Variants in LRRTM4 observed in about 807,000 individuals in gnomAD.
LRRTM4 encodes the protein leucine rich repeat transmembrane neuronal 4.
In LRRTM4, 25 loss-of-function variants were observed where a neutral mutation model predicts 47.6. That is an observed-to-expected ratio of 0.53 (90% CI 0.38 to 0.73). The LOEUF (loss-of-function observed/expected upper bound fraction) is 0.73. LRRTM4 is among the 30% of genes least tolerant of loss of function. The pLI, the probability that LRRTM4 is intolerant of heterozygous loss-of-function variation, is 0.00. For synonymous variants in LRRTM4, 311 were observed against 269.5 expected, an observed-to-expected ratio of 1.15 and a Z score of -1.51; for missense variants, 638 against 713.4, an observed-to-expected ratio of 0.89 and a Z score of 1.20.
chr2:76,887,389 C>A (rs888290970), intron 3 of LRRTM4, among the ~76,000 whole-genome samples: 1 of 151,030 alleles, frequency 6.6e-6, no homozygotes, highest in Non-Finnish European at 1.5e-5. Flanking sequence ...AAGGCCAATA[C>A]CAAAAATAAA....
chr2:76,784,121 T>G (rs1674543118), intron 3 of LRRTM4, among the ~76,000 whole-genome samples: 1 of 152,130 alleles, frequency 6.6e-6, no homozygotes, highest in Admixed American at 6.5e-5. Flanking sequence ...ATATTAATAT[T>G]TATCTGTTTT....
At chr2:77,476,049 C>A (rs1044606453) in intron 3 of LRRTM4, among the ~76,000 whole-genome samples, 3 of 151,786 alleles carry the variant, frequency 2.0e-5, no homozygotes, top group Non-Finnish European at 2.9e-5. Flanking sequence ...TAGTATATTT[C>A]CCTATTGATT....
At chr2:76,834,642 T>A (rs1198235809) in intron 3 of LRRTM4, among the ~76,000 whole-genome samples, 1 of 152,052 alleles carries the variant, frequency 6.6e-6, no homozygotes, top group Non-Finnish European at 1.5e-5. Context: ...TGGCTCAAAC[T>A]CTTATTCAAA....
chr2:76,997,666 A>T (rs13427438), intron 3 of LRRTM4, among the ~76,000 whole-genome samples: 76,504 of 151,862 alleles, frequency 0.5, 19,992 homozygotes, highest in African/African-American at 0.64. Flanking sequence ...AGCTAGAGAA[A>T]ATTGAACTAA....
At chr2:77,088,728 GTCC>G (rs1680816363) in intron 3 of LRRTM4, among the ~76,000 whole-genome samples, 1 of 152,088 alleles carries the variant, frequency 6.6e-6, no homozygotes, top group African/African-American at 2.4e-5. Flanking sequence ...TCAATCCCCC[GTCC>G]TCCTGCTCTT....
chr2:77,520,648 G>C (rs967823786), intron 2 of LRRTM4, among the ~76,000 whole-genome samples: 1 of 152,086 alleles, frequency 6.6e-6, no homozygotes, highest in African/African-American at 2.4e-5. Context: ...ATATTGTGTA[G>C]TATCACTTTG....
At chr2:76,955,745 G>T (rs1675652444) in intron 3 of LRRTM4, among the ~76,000 whole-genome samples, 1 of 151,678 alleles carries the variant, frequency 6.6e-6, no homozygotes, top group African/African-American at 2.4e-5. Flanking sequence ...CTCTCCACTT[G>T]GGGAGGGTAC....
At position 77,421,965 on chromosome 2, in the gene LRRTM4, C is replaced by G. The variant is rs191021080; in HGVS notation, c.1551+96353G>C. Among the ~76,000 whole-genome samples, 3 of 152,302 alleles carry G rather than the reference C, an allele frequency of 2.0e-5. 1 individual carries two copies. In the East Asian group the frequency reaches 5.8e-4, roughly 29 times the overall value. ...CTATGTTTAGGTATGTTTAGATACA[C>G]AAATATTTACCATTTTGTTATAATT... is the stretch of plus-strand genomic sequence containing the variant. On this transcript the variant is annotated intron_variant, in intron 3 of 3. Transcript: ENST00000409884.
Position 77,437,203 on chromosome 2 carries a change from G to C in LRRTM4, c.1551+81115C>G, listed in dbSNP as rs529726647. On this transcript the variant is annotated intron_variant, in intron 3 of 3. Transcript: ENST00000409884. Reference sequence around the variant, plus strand: ...AATTTTTGATTAAGCAAGATGTTTAGTATAAAGGAATCAGAAATATCGTTG... The same window carrying C: ...AATTTTTGATTAAGCAAGATGTTTACTATAAAGGAATCAGAAATATCGTTG... 5.9e-5 allele frequency among the ~76,000 whole-genome samples: 9 copies of C among 152,026 alleles called. 1 individual carries two copies. In the East Asian group the frequency reaches 1.7e-3, roughly 29 times the overall value.
Position 76,993,718 on chromosome 2 carries a change from T to C in LRRTM4, c.1552-244802A>G, listed in dbSNP as rs1381160902. ...TGGAGATTTCTCAAAGAAGTAAAAATAGAACTACTATTCCACCCAGCAGTC... is the reference window on the plus strand; with the variant it reads ...TGGAGATTTCTCAAAGAAGTAAAAACAGAACTACTATTCCACCCAGCAGTC... On this transcript the variant is annotated intron_variant, in intron 3 of 3. Transcript: ENST00000409884. Among the ~76,000 whole-genome samples, 8 of 151,852 alleles carry C rather than the reference T, an allele frequency of 5.3e-5. No individual in the cohort carries two copies. In the South Asian group the frequency reaches 1.0e-3, roughly 20 times the overall value.
chr2:77,418,216 T>C (rs1674724682), intron 3 of LRRTM4, among the ~76,000 whole-genome samples: 1 of 152,166 alleles, frequency 6.6e-6, no homozygotes, highest in African/African-American at 2.4e-5. Context: ...TGTGGAGTTC[T>C]CCAAAGTGAT....
chr2:77,308,315 A>C (rs12614215), intron 3 of LRRTM4, among the ~76,000 whole-genome samples: 33,824 of 151,402 alleles, frequency 0.22, 4,320 homozygotes, highest in East Asian at 0.44. Context: ...AAAGATACTA[A>C]TACCTTTGTT....
At chr2:77,286,872 G>A (rs1676678449) in intron 3 of LRRTM4, among the ~76,000 whole-genome samples, 1 of 152,018 alleles carries the variant, frequency 6.6e-6, no homozygotes, top group Non-Finnish European at 1.5e-5. Context: ...GACTGTCTTA[G>A]ATTTGGTTTA....
At chr2:77,079,920 A>G (rs1031582529) in intron 3 of LRRTM4, among the ~76,000 whole-genome samples, 3 of 152,058 alleles carry the variant, frequency 2.0e-5, no homozygotes, top group Non-Finnish European at 4.4e-5. Context: ...ACATTTTATG[A>G]TAGAAATATA....
At chr2:76,750,106 T>C (rs1672799299) in intron 3 of LRRTM4, among the ~76,000 whole-genome samples, 1 of 152,256 alleles carries the variant, frequency 6.6e-6, no homozygotes, top group Non-Finnish European at 1.5e-5. Context: ...GCTCCCATTG[T>C]TGGTTTCCTG....
intron 3 of LRRTM4, among the ~76,000 whole-genome samples, chr2:77,475,309 G>A (rs779884924): frequency 1.3e-4 from 20 of 152,000 alleles, no homozygotes; most frequent in Non-Finnish European, 2.4e-4. Flanking sequence ...GTTTAGGGGC[G>A]TATTTTTCCT....
intron 3 of LRRTM4, among the ~76,000 whole-genome samples, chr2:77,450,621 C>G (rs1676219865): frequency 1.3e-5 from 2 of 152,010 alleles, no homozygotes; most frequent in Admixed American, 1.3e-4. Context: ...CTCTAGATTT[C>G]AGAGTTGAAA....
intron 3 of LRRTM4, among the ~76,000 whole-genome samples, chr2:76,807,950 TTTC>T (rs1225572343): frequency 1.2e-5 from 1 of 81,270 alleles, no homozygotes; most frequent in African/African-American, 6.4e-5. Flanking sequence ...TCTTTCTTTC[TTTC>T]TTTTTCTTTT....
In LRRTM4 at chr2:76,783,251, C is replaced by T. The variant is rs183006022; in HGVS notation, c.1552-34335G>A. On this transcript the variant is annotated intron_variant, in intron 3 of 3. Transcript: ENST00000409884. ...TAAATGTTGTGTTTTCATCAGGTTA[C>T]GTTGGTGATATCTGGGAATCCACCT... Among the ~76,000 whole-genome samples, 18 of 152,190 alleles carry T rather than the reference C, an allele frequency of 1.2e-4. No individual in the cohort carries two copies. The East Asian group carries it at 2.1e-3, about 18-fold the overall frequency.
Sources: gnomAD v4.1 joint callset for allele counts (sites outside exome capture counted in the v4.1 genomes callset) on GRCh38, gnomAD v4.1.1 for gene constraint, MANE v1.5 for transcripts, NCBI Gene and HGNC (gene_info 2026-07-23, HGNC 2026-07-21) for gene names.